TRAPPC9: variants seen among roughly 807,000 people sequenced by gnomAD.
The protein encoded by TRAPPC9 is IKK2 binding protein.
A neutral mutation model predicts 124.0 loss-of-function variants in TRAPPC9; 83 were observed. The ratio of observed to expected loss-of-function variants is 0.67; its 90% confidence interval spans 0.56 to 0.80. The LOEUF is 0.80. TRAPPC9 is among the 30% of genes least tolerant of loss of function. The pLI is 0.00. For synonymous variants in TRAPPC9, 638 were observed against 617.5 expected (o/e 1.03, Z -0.49); for missense variants, 1,302 against 1,508.3 (o/e 0.86, Z 2.27).
intron 17 of TRAPPC9, among the ~76,000 whole-genome samples, chr8:140,187,836 G>A (rs1354593762): frequency 6.6e-6 from 1 of 152,040 alleles, no homozygotes; most frequent in Non-Finnish European, 1.5e-5. Flanking sequence ...CATCATGTCT[G>A]GCTAATTTTT....
intron 22 of TRAPPC9, 24 bp downstream of exon 22, chr8:139,731,955 A>C (rs1481801449): frequency 6.4e-7 from 1 of 1,553,416 alleles, no homozygotes; most frequent in African/African-American, 1.4e-5. Flanking sequence ...AGGCTCCCAG[A>C]CCGCCTTGCA....
chr8:140,013,797 C>T (rs1458308448), intron 18 of TRAPPC9, among the ~76,000 whole-genome samples: 1 of 152,180 alleles, frequency 6.6e-6, no homozygotes, highest in Non-Finnish European at 1.5e-5. Flanking sequence ...ATTTTTCAGA[C>T]ACTTTATAAC....
intron 18 of TRAPPC9, among the ~76,000 whole-genome samples, chr8:140,022,616 G>C (rs967452917): frequency 2.6e-5 from 4 of 152,208 alleles, no homozygotes; most frequent in Admixed American, 1.3e-4. Context: ...AGCAGGAGAT[G>C]AGGGGATGAG....
chr8:140,272,168 GTTATAGT>G (rs2064938774), intron 15 of TRAPPC9, among the ~76,000 whole-genome samples: 1 of 143,458 alleles, frequency 7.0e-6, no homozygotes, highest in Admixed American at 7.3e-5. Flanking sequence ...GATGGCAGTG[GTTATAGT>G]GGTGGTGGTT....
intron 19 of TRAPPC9, among the ~76,000 whole-genome samples, chr8:139,977,255 C>T (rs1472712129): frequency 1.3e-5 from 2 of 152,006 alleles, no homozygotes; most frequent in Non-Finnish European, 2.9e-5. Flanking sequence ...TGAAACGGCC[C>T]CATCACAGAA....
At chr8:139,914,669 G>A (rs1198861388) in intron 19 of TRAPPC9, 1 of 152,256 alleles carries the variant, frequency 6.6e-6, no homozygotes, top group Admixed American at 6.5e-5. Flanking sequence ...TTGTCACCAG[G>A]CCACAGGCCA....
Position 140,305,554 on chromosome 8 carries a change from G to A in TRAPPC9, c.1623-4940C>T, listed in dbSNP as rs2066107566. ...TGAGCTCAGGCAATCCCCCTGCCTC[G>A]GCCTCCCAAAGTGTTCACATTACAG... On this transcript the variant is annotated intron_variant, in intron 10 of 22. Transcript: ENST00000438773. Among the ~76,000 whole-genome samples the A allele has an allele frequency of 4.6e-5, 7 of 152,200 alleles. No individual in the cohort carries two copies. In the South Asian group the frequency reaches 1.5e-3, roughly 32 times the overall value.
intron 17 of TRAPPC9, among the ~76,000 whole-genome samples, chr8:140,112,508 T>A (rs538829106): frequency 6.6e-6 from 1 of 152,180 alleles, no homozygotes; most frequent in South Asian, 2.1e-4. Flanking sequence ...TTCCAGATAA[T>A]GTCAGAGCTC....
chr8:140,023,476 T>C (rs1216793228), intron 18 of TRAPPC9, among the ~76,000 whole-genome samples: 4 of 152,204 alleles, frequency 2.6e-5, no homozygotes, highest in Admixed American at 1.3e-4. Context: ...AGAAATGACC[T>C]GATGCCAAGA....
At chr8:140,289,170 ATATAGTGTGTGTGT>A (rs890189476) in intron 12 of TRAPPC9, among the ~76,000 whole-genome samples, 2 of 136,264 alleles carry the variant, frequency 1.5e-5, no homozygotes, top group African/African-American at 5.7e-5. Flanking sequence ...TTAGATATAT[ATATAGTGTGTGTGT>A]GTGTGTGTGT....
chr8:140,371,345 G>A (rs1218335849), intron 7 of TRAPPC9, among the ~76,000 whole-genome samples, 165 bp from the exon 8 acceptor site: 1 of 152,252 alleles, frequency 6.6e-6, no homozygotes, highest in Non-Finnish European at 1.5e-5. Context: ...GCCCCAGGTG[G>A]CTTCAGACCT....
chr8:140,121,329 G>C (rs1053383914), intron 17 of TRAPPC9, among the ~76,000 whole-genome samples: 2 of 152,228 alleles, frequency 1.3e-5, no homozygotes, highest in Non-Finnish European at 2.9e-5. Flanking sequence ...ATGCAAGAGG[G>C]ACAGTGTTAA....
At chr8:140,342,588 C>G (rs1005043822) in intron 9 of TRAPPC9, among the ~76,000 whole-genome samples, 3 of 152,110 alleles carry the variant, frequency 2.0e-5, no homozygotes, top group Admixed American at 2.0e-4. Flanking sequence ...ACAAATTATA[C>G]CCCTTTACTG....
chr8:140,393,758 T>C (rs1301135854), intron 7 of TRAPPC9, among the ~76,000 whole-genome samples: 1 of 152,214 alleles, frequency 6.6e-6, no homozygotes, highest in Non-Finnish European at 1.5e-5. Context: ...CAATGGAACA[T>C]ACTTGATCAA....
chr8:139,781,879 A>G (rs1460961981), intron 21 of TRAPPC9, among the ~76,000 whole-genome samples: 2 of 152,204 alleles, frequency 1.3e-5, no homozygotes, highest in African/African-American at 4.8e-5. Flanking sequence ...GAAAAGAGAA[A>G]AATAGAACAA....
chr8:139,876,574 G>C (rs572515213), intron 21 of TRAPPC9, among the ~76,000 whole-genome samples: 2 of 152,238 alleles, frequency 1.3e-5, no homozygotes, highest in Non-Finnish European at 2.9e-5. Context: ...ATCTGACAGA[G>C]AGTGGCTCTA....
intron 7 of TRAPPC9, among the ~76,000 whole-genome samples, chr8:140,395,804 CCT>C (rs1391275826): frequency 1.3e-5 from 2 of 152,076 alleles, no homozygotes; most frequent in Non-Finnish European, 2.9e-5. Flanking sequence ...CAGACCCACA[CCT>C]CTCTCGTTAT....
intron 17 of TRAPPC9, among the ~76,000 whole-genome samples, chr8:140,150,437 A>T (rs948371217): frequency 1.4e-4 from 22 of 152,236 alleles, no homozygotes; most frequent in Non-Finnish European, 2.5e-4. Context: ...CAACACGAGC[A>T]AAACACTGTC....
chr8:140,243,802 T>C (rs914520777), intron 16 of TRAPPC9, among the ~76,000 whole-genome samples: 4 of 152,264 alleles, frequency 2.6e-5, no homozygotes, highest in Admixed American at 6.5e-5. Flanking sequence ...CAGAAGTTTA[T>C]AGGTACCACA....
Sources: allele counts gnomAD v4.1 joint callset (sites outside exome capture counted in the v4.1 genomes callset), GRCh38; gene constraint gnomAD v4.1.1; transcripts MANE v1.5; gene names NCBI Gene and HGNC (gene_info 2026-07-23, HGNC 2026-07-21).